Variants in SLIT3 observed in about 807,000 individuals in gnomAD.
SLIT3 encodes slit guidance ligand 3, also known as slit homolog 3 protein.
In SLIT3, 68 loss-of-function variants were observed where a neutral mutation model predicts 184.0. The ratio of observed to expected loss-of-function variants is 0.37; its 90% CI spans 0.30 to 0.45. SLIT3 has a LOEUF of 0.45. SLIT3 is among the 20% of genes least tolerant of loss of function. SLIT3 has a pLI of 1.00. For missense variants in SLIT3, 1,707 were observed against 2,026.0 expected (o/e 0.84, Z 3.02); for synonymous variants, 831 against 828.6 (o/e 1.00, Z -0.05).
intron 4 of SLIT3, among the ~76,000 whole-genome samples, chr5:169,142,054 A>AAAAAAT (rs200706671): frequency 5.0e-5 from 7 of 140,156 alleles, no homozygotes; most frequent in Non-Finnish European, 7.6e-5. Flanking sequence ...CTACTCAAAA[A>AAAAAAT]AAAAATAAAA....
intron 7 of SLIT3, among the ~76,000 whole-genome samples, chr5:168,821,402 T>A (rs1757528763): frequency 6.6e-6 from 1 of 152,214 alleles, no homozygotes; most frequent in African/African-American, 2.4e-5. Context: ...AACCCACATG[T>A]CTGGGGTAAT....
rs577254651 is a variant in SLIT3 at position 168,909,476 on chromosome 5, G to A, written c.414-26140C>T. ...CAATTCTTATTTCCAGTTTAGCATCGCCCACAGGAGTCCCTGTTGCCTCCT... is the reference window on the plus strand; with the variant it reads ...CAATTCTTATTTCCAGTTTAGCATCACCCACAGGAGTCCCTGTTGCCTCCT... On this transcript the variant is annotated intron_variant, in intron 4 of 35. Transcript: ENST00000519560. 1.2e-4 allele frequency among the ~76,000 whole-genome samples: 19 copies of A among 152,174 alleles called. No homozygotes were observed. In the South Asian group the frequency reaches 3.3e-3, roughly 27 times the overall value.
intron 32 of SLIT3, among the ~76,000 whole-genome samples, chr5:168,675,855 C>T (rs1761390710): frequency 6.6e-6 from 1 of 152,204 alleles, no homozygotes; most frequent in African/African-American, 2.4e-5. Flanking sequence ...TGGCAGAGGA[C>T]ATGCAGGAGC....
chr5:168,747,999 A>T (rs917342201), intron 20 of SLIT3, among the ~76,000 whole-genome samples: 1 of 152,058 alleles, frequency 6.6e-6, no homozygotes, highest in African/African-American at 2.4e-5. Context: ...TTCAGGGGTG[A>T]TACGGAAAAT....
At chr5:168,896,581 A>G (rs1323851188) in intron 4 of SLIT3, among the ~76,000 whole-genome samples, 1 of 152,198 alleles carries the variant, frequency 6.6e-6, no homozygotes, top group Admixed American at 6.5e-5. Flanking sequence ...TCATGCCTCA[A>G]AGCTTTCCTG....
chr5:169,236,121 T>C (rs1224206129), intron 3 of SLIT3, among the ~76,000 whole-genome samples: 1 of 152,252 alleles, frequency 6.6e-6, no homozygotes, highest in Admixed American at 6.5e-5. Context: ...ATTTATTTAC[T>C]CATTTATTTC....
At chr5:168,964,619 A>T (rs1763120797) in intron 4 of SLIT3, among the ~76,000 whole-genome samples, 1 of 152,256 alleles carries the variant, frequency 6.6e-6, no homozygotes. Flanking sequence ...AAAATAATCC[A>T]GTTAAACACA....
intron 32 of SLIT3, among the ~76,000 whole-genome samples, chr5:168,675,440 G>A (rs1352625673): frequency 2.0e-5 from 3 of 152,196 alleles, no homozygotes; most frequent in Non-Finnish European, 4.4e-5. Context: ...GCCCCTTACT[G>A]CTGGATGGAA....
chr5:169,201,908 C>T (rs1293816939), intron 3 of SLIT3, among the ~76,000 whole-genome samples: 2 of 152,208 alleles, frequency 1.3e-5, no homozygotes, highest in African/African-American at 4.8e-5. Flanking sequence ...ATCTTAACCA[C>T]CAGTATGCCT....
At chr5:169,002,608 A>G (rs1345571043) in intron 4 of SLIT3, among the ~76,000 whole-genome samples, 1 of 152,202 alleles carries the variant, frequency 6.6e-6, no homozygotes, top group East Asian at 1.9e-4. Flanking sequence ...GGGAATGGCA[A>G]TGGTGTGCAG....
At chr5:168,824,580 C>A (rs900445325) in intron 6 of SLIT3, among the ~76,000 whole-genome samples, 1 of 152,190 alleles carries the variant, frequency 6.6e-6, no homozygotes, top group African/African-American at 2.4e-5. Flanking sequence ...TCAGTGACTA[C>A]CCAGGTGGAG....
rs141414669 is a variant in SLIT3, at chr5:168,698,749, C to T, written c.2942+1833G>A. ...CCCGATGCAGAAGAGTTTCCCTATT[C>T]CTTGAGGACTGCATACGAGCTCTCC... On this transcript the variant is annotated intron_variant, in intron 27 of 35. Transcript: ENST00000519560. Among the ~76,000 whole-genome samples the T allele has an allele frequency of 4.3e-3, 658 of 152,274 alleles. 5 individuals carry two copies. Among genetic ancestry groups the T allele is most frequent in the African/African-American group, 0.015 (628 of 41,550 alleles).
chr5:168,903,278 TG>T (rs1760931380), intron 4 of SLIT3, among the ~76,000 whole-genome samples: 2 of 152,182 alleles, frequency 1.3e-5, no homozygotes, highest in African/African-American at 4.8e-5. Context: ...GGGCTGGAGA[TG>T]AAAAGACAAG....
chr5:169,231,467 C>A (rs1050063310), intron 3 of SLIT3, among the ~76,000 whole-genome samples: 2 of 152,172 alleles, frequency 1.3e-5, no homozygotes, highest in Non-Finnish European at 2.9e-5. Flanking sequence ...AATATATATT[C>A]TTTTATGTCC....
intron 1 of SLIT3, among the ~76,000 whole-genome samples, chr5:169,279,185 CTG>C (rs1052958041): frequency 7.7e-4 from 118 of 152,284 alleles, no homozygotes; most frequent in African/African-American, 2.7e-3. Context: ...AATACTTTAC[CTG>C]TGTGTAACTT....
chr5:169,224,832 G>GC (rs1308435498), intron 3 of SLIT3, among the ~76,000 whole-genome samples: 1 of 152,026 alleles, frequency 6.6e-6, no homozygotes, highest in Non-Finnish European at 1.5e-5. Flanking sequence ...GACTACAGGT[G>GC]CCGGCAACCA....
Position 168,819,594 on chromosome 5 carries a change from C to T in SLIT3, c.630-2131G>A, listed in dbSNP as rs144367566. On this transcript the variant is annotated intron_variant, in intron 7 of 35. Coordinates refer to ENST00000519560, the MANE Select transcript of SLIT3 (RefSeq NM_003062.4). Reference sequence around the variant, plus strand: ...GAGCATGTGTGCATGTGGCGGATCACAGATCAATGCAAACAAATTCCCGTC... The same window carrying T: ...GAGCATGTGTGCATGTGGCGGATCATAGATCAATGCAAACAAATTCCCGTC... Among the ~76,000 whole-genome samples the T allele has an allele frequency of 1.8e-3, 277 of 152,330 alleles. 2 individuals carry two copies. The highest frequency in any genetic ancestry group is 3.4e-3 in the Middle Eastern group (1 of 294).
intron 4 of SLIT3, among the ~76,000 whole-genome samples, chr5:169,103,639 A>G (rs1477431463): frequency 6.6e-6 from 1 of 152,160 alleles, no homozygotes; most frequent in East Asian, 1.9e-4. Context: ...TGTTACCGGG[A>G]GGTGGGTGGG....
chr5:168,989,396 TG>T (rs1341072802), intron 4 of SLIT3, among the ~76,000 whole-genome samples: 1 of 152,246 alleles, frequency 6.6e-6, no homozygotes, highest in Admixed American at 6.5e-5. Flanking sequence ...CACAGCCACC[TG>T]AAATGAATTT....
Sources: gnomAD v4.1 joint callset for allele counts (sites outside exome capture counted in the v4.1 genomes callset) on GRCh38, gnomAD v4.1.1 for gene constraint, MANE v1.5 for transcripts, NCBI Gene and HGNC (gene_info 2026-07-23, HGNC 2026-07-21) for gene names.